NMRK2: variants seen among roughly 807,000 people sequenced by gnomAD.
The protein encoded by NMRK2 is nicotinamide riboside kinase 2, also known as NRK 2.
In NMRK2, 34 loss-of-function variants were observed where a neutral mutation model predicts 24.7. The ratio of observed to expected loss-of-function variants is 1.37; its 90% CI spans 1.05 to 1.83. The LOEUF (loss-of-function observed/expected upper bound fraction) is 1.83, where lower values mean the gene tolerates loss of function less well. NMRK2 is among the 40% of genes most tolerant of loss of function. NMRK2 has a pLI of 0.00. For synonymous variants in NMRK2, 145 were observed against 125.6 expected (o/e 1.15, Z -1.03); for missense variants, 341 against 315.0 (o/e 1.08, Z -0.62).
Position 3,939,894 on chromosome 19 carries a change from G to T in NMRK2, c.324-6G>T. The T allele has an allele frequency of 6.2e-7, 1 of 1,612,138 alleles. No individual in the cohort carries two copies. The highest frequency in any genetic ancestry group is 8.5e-7 in the Non-Finnish European group (1 of 1,178,486). On this transcript the variant is annotated splice_polypyrimidine_tract_variant and splice_region_variant and intron_variant, in intron 5 of 7. Coordinates refer to ENST00000168977, the MANE Select transcript of NMRK2 (RefSeq NM_170678.3). ...GTGCTGACCGTGTCTCCCCCACTCC[G>T]CCCAGGCCCCTGGTGGACTTGTACA...
In NMRK2 at chr19:3,942,230, A is replaced by C. The variant is rs1286280311; in HGVS notation, c.650A>C (p.His217Pro). The change falls in exon 8 of 8, where the codon CAC (histidine) becomes CCC (proline). Residue 217 changes from histidine (H) to proline (P), a missense_variant. Physicochemically the swap from His to Pro is moderately conservative, Grantham distance 77 (BLOSUM62 -2). Transcript: ENST00000168977. ...CAGGGACCCGGACGCGGATGCGGCC[A>C]CAGAACGGCCAGGCCTGCAGCGTCC... ...RTQGPGRGCGHRTARPAASQQ... is the reference protein window; with the variant it reads ...RTQGPGRGCGPRTARPAASQQ... 3 of 1,612,364 alleles carry C rather than the reference A, an allele frequency of 1.9e-6. No homozygotes were observed. Among genetic ancestry groups the C allele is most frequent in the Admixed American group, 1.7e-5 (1 of 59,860 alleles).
Position 3,942,356 on chromosome 19 carries a change from C to T in NMRK2, c.*83C>T. ...GCGTCCCGGAGCTCAGGGACTGAGC[C>T]CCAAGACGCCTCTGTAACCTCGCTG... On this transcript the variant is annotated 3_prime_UTR_variant, in exon 8 of 8. Coordinates refer to ENST00000168977, the MANE Select transcript of NMRK2 (RefSeq NM_170678.3). 1 of 1,283,444 alleles carries T rather than the reference C, an allele frequency of 7.8e-7. No individual in the cohort carries two copies. Among genetic ancestry groups the T allele is most frequent in the Non-Finnish European group, 1.1e-6 (1 of 937,186 alleles). The allele number at this position is 1,283,444 out of a possible 1,614,324, so 79.5% of individuals were successfully genotyped here. A position where few individuals can be genotyped will look rare whatever the true frequency, so the allele number is the denominator to read the frequency against.
Position 3,938,754 on chromosome 19 carries a change from C to G in NMRK2, c.318C>G (p.Ser106Arg). 3 of 1,587,884 alleles carry G rather than the reference C, an allele frequency of 1.9e-6. No individual in the cohort carries two copies. The highest frequency in any genetic ancestry group is 2.6e-6 in the Non-Finnish European group (3 of 1,164,948). The change falls in exon 5 of 8, where the codon AGC (serine) becomes AGG (arginine). Residue 106 changes from serine to arginine, a missense_variant. By Grantham distance (110) the Ser-to-Arg change is moderately radical (BLOSUM62 -1). Transcript: ENST00000168977. ...TCCTGGAAGGCTTCCTGCTCTACAG[C>G]TACAAGTAAACATCTGCAGGCTCTG... Reference protein sequence around the residue: ...ILLLEGFLLYSYKPLVDLYSR... With the variant: ...ILLLEGFLLYRYKPLVDLYSR...
At chr19:3,941,217 C>CG (rs771373832) in intron 7 of NMRK2, 40 bp downstream of exon 7, 45 of 476,828 alleles carry the variant, frequency 9.4e-5, no homozygotes, top group African/African-American at 4.8e-4. Flanking sequence ...CCCGGGCGGG[C>CG]GGGGGGGACC....
Position 3,938,745 on chromosome 19 carries a change from G to T in NMRK2, c.309G>T (p.Leu103=), listed in dbSNP as rs548117296. 4 of 1,595,432 alleles carry T rather than the reference G, an allele frequency of 2.5e-6. No homozygotes were observed. The African/African-American group carries it at 5.5e-5, about 22-fold the overall frequency. ...DTHILLLEGF[L]LYSYKPLVDL... is the part of the protein sequence containing the mutation. ...ACATCCTCCTCCTGGAAGGCTTCCT[G>T]CTCTACAGCTACAAGTAAACATCTG... Residue 103 remains leucine (L), a synonymous_variant, in exon 5 of 8, where the codon CTG becomes CTT. Transcript: ENST00000168977.
chr19:3,938,840 TTTTGTTTTG>T (rs1568180863), intron 5 of NMRK2, 81 bp downstream of exon 5: 4 of 407,234 alleles, frequency 9.8e-6, no homozygotes, highest in South Asian at 5.0e-5. Flanking sequence ...TTTTTTTTTT[TTTTGTTTTG>T]TTTTTTTTTT....
chr19:3,936,690 G>A (rs1244283806), intron 3 of NMRK2, 25 bp downstream of exon 3: 9 of 1,532,696 alleles, frequency 5.9e-6, no homozygotes, highest in Middle Eastern at 2.1e-4. Context: ...CCGGGGAGGT[G>A]GAGCTGAGAG....
At chr19:3,936,693 G>A (rs1282621536) in intron 3 of NMRK2, 28 bp downstream of exon 3, 1 of 1,530,582 alleles carries the variant, frequency 6.5e-7, no homozygotes, top group South Asian at 1.2e-5. Flanking sequence ...GGGAGGTGGA[G>A]CTGAGAGGGG....
chr19:3,933,685 T>C lies in NMRK2; in HGVS notation c.14T>C (p.Val5Ala), dbSNP rs1472508651. 2.0e-6 allele frequency: 3 copies of C among 1,487,858 alleles called. No homozygotes were observed. The highest frequency in any genetic ancestry group is 2.7e-6 in the Non-Finnish European group (3 of 1,119,540). 92.2% of individuals were successfully genotyped at this position (1,487,858 alleles called of 1,614,324 possible). A position where few individuals can be genotyped will look rare whatever the true frequency, so the allele number is the denominator to read the frequency against. Residue 5 changes from valine to alanine, a missense_variant, in exon 2 of 8, where the codon GTG becomes GCG. Val to Ala is a moderately conservative substitution (Grantham distance 64). Transcript: ENST00000168977. MKLIVGIGGMTNGGK... is the reference protein window; with the variant it reads MKLIAGIGGMTNGGK... ...CTCCGCACCGGCATGAAGCTCATCG[T>C]GGGCATCGGAGGGTGAGCGCCGGGG... is the stretch of plus-strand genomic sequence containing the variant.
At position 3,942,236 on chromosome 19, in the gene NMRK2, C is replaced by T. The variant is rs754402238; in HGVS notation, c.656C>T (p.Thr219Met). The T allele has an allele frequency of 7.4e-6, 12 of 1,612,188 alleles. No individual in the cohort carries two copies. The highest frequency in any genetic ancestry group is 6.7e-5 in the East Asian group (3 of 44,876). The change falls in exon 8 of 8, where the codon ACG (threonine) becomes ATG (methionine). Residue 219 changes from threonine (T) to methionine (M), a missense_variant. Coordinates refer to ENST00000168977, the MANE Select transcript of NMRK2 (RefSeq NM_170678.3). ...QGPGRGCGHR[T>M]ARPAASQQDS... ...CCCGGACGCGGATGCGGCCACAGAA[C>T]GGCCAGGCCTGCAGCGTCCCAGCAG... is the stretch of plus-strand genomic sequence containing the variant.
chr19:3,940,630 G>A (rs911507428), intron 6 of NMRK2, among the ~76,000 whole-genome samples: 3 of 151,640 alleles, frequency 2.0e-5, no homozygotes, highest in African/African-American at 7.3e-5. Context: ...AGCTACTCAG[G>A]AGGCTGAGGC....
Position 3,933,657 on chromosome 19 carries a change from C to A in NMRK2, c.-15C>A. On this transcript the variant is annotated 5_prime_UTR_variant, in exon 2 of 8. Coordinates refer to ENST00000168977, the MANE Select transcript of NMRK2 (RefSeq NM_170678.3). ...GCTGCCTTGGAAGTCGTCCCCGCCG[C>A]CCCTCCGCACCGGCATGAAGCTCAT... 1 of 1,515,780 alleles carries A rather than the reference C, an allele frequency of 6.6e-7. No individual in the cohort carries two copies. Among genetic ancestry groups the A allele is most frequent in the Non-Finnish European group, 8.8e-7 (1 of 1,133,512 alleles). 93.9% of individuals were successfully genotyped at this position (1,515,780 alleles called of 1,614,324 possible).
intron 4 of NMRK2, 85 bp from the exon 5 acceptor site, chr19:3,938,518 G>A: frequency 7.9e-7 from 1 of 1,259,568 alleles, no homozygotes; most frequent in Non-Finnish European, 1.1e-6. Context: ...ACCGTCCCCT[G>A]GGGTCCGCCC....
intron 3 of NMRK2, 65 bp from the exon 4 acceptor site, chr19:3,937,175 T>C (rs756095168): frequency 1.3e-5 from 20 of 1,559,982 alleles, no homozygotes; most frequent in Admixed American, 3.4e-5. Context: ...TAAGACTCCA[T>C]CACCCAGGCC....
Position 3,938,710 on chromosome 19 carries a change from T to C in NMRK2, c.274T>C (p.Ser92Pro). ...AHGVSVQPEA[S>P]DTHILLLEGF... is the part of the protein sequence containing the mutation. Reference sequence around the variant, plus strand: ...CGGGGTCAGCGTCCAGCCAGAGGCCTCGGACACCCACATCCTCCTCCTGGA... The same window carrying C: ...CGGGGTCAGCGTCCAGCCAGAGGCCCCGGACACCCACATCCTCCTCCTGGA... The change falls in exon 5 of 8, where the codon TCG (serine) becomes CCG (proline). Residue 92 changes from serine (S) to proline (P), a missense_variant. By Grantham distance (74) the Ser-to-Pro change is moderately conservative (BLOSUM62 -1). Transcript: ENST00000168977. 6.2e-7 allele frequency: 1 copy of C among 1,612,042 alleles called. No individual in the cohort carries two copies. Among genetic ancestry groups the C allele is most frequent in the South Asian group, 1.1e-5 (1 of 90,896 alleles).
At chr19:3,938,274 C>T (rs1278198302) in intron 4 of NMRK2, among the ~76,000 whole-genome samples, 2 of 142,246 alleles carry the variant, frequency 1.4e-5, no homozygotes, top group African/African-American at 2.7e-5. Context: ...TACCCGCTCC[C>T]CCTCCACTAT....
At position 3,939,900 on chromosome 19, in the gene NMRK2, G is replaced by A. The variant is rs775044733; in HGVS notation, c.324G>A (p.Lys108=). 8 of 1,613,088 alleles carry A rather than the reference G, an allele frequency of 5.0e-6. No individual in the cohort carries two copies. The South Asian group carries it at 7.7e-5, about 16-fold the overall frequency. The change falls in exon 6 of 8, where the codon AAG becomes AAA. Residue 108 remains lysine, a splice_region_variant and synonymous_variant. Transcript: ENST00000168977. The stretch of plus-strand genomic sequence containing the variant: ...ACCGTGTCTCCCCCACTCCGCCCAG[G>A]CCCCTGGTGGACTTGTACAGCCGCC... ...LLEGFLLYSY[K]PLVDLYSRRY... is the part of the protein sequence containing the mutation.
At chr19:3,935,014 T>G (rs888608886) in intron 2 of NMRK2, among the ~76,000 whole-genome samples, 6 of 152,110 alleles carry the variant, frequency 3.9e-5, no homozygotes, top group African/African-American at 9.7e-5. Flanking sequence ...ATTTAAAAAA[T>G]TATTAATACC....
Position 3,933,652 on chromosome 19 carries a change from C to G in NMRK2, c.-20C>G. On this transcript the variant is annotated 5_prime_UTR_variant, in exon 2 of 8. Coordinates refer to ENST00000168977, the MANE Select transcript of NMRK2 (RefSeq NM_170678.3). Reference sequence around the variant, plus strand: ...CCCGGGCTGCCTTGGAAGTCGTCCCCGCCGCCCCTCCGCACCGGCATGAAG... The same window carrying G: ...CCCGGGCTGCCTTGGAAGTCGTCCCGGCCGCCCCTCCGCACCGGCATGAAG... 6.6e-7 allele frequency: 1 copy of G among 1,516,256 alleles called. No homozygotes were observed. The highest frequency in any genetic ancestry group is 1.7e-4 in the Middle Eastern group (1 of 5,728). The allele number at this position is 1,516,256 out of a possible 1,614,324, so 93.9% of individuals were successfully genotyped here.
Sources: gnomAD v4.1 joint callset for allele counts (sites outside exome capture counted in the v4.1 genomes callset) on GRCh38, gnomAD v4.1.1 for gene constraint, MANE v1.5 for transcripts, NCBI Gene and HGNC (gene_info 2026-07-23, HGNC 2026-07-21) for gene names.